The following CDK17 variants were observed in gnomAD, a reference collection of about 807,000 sequenced individuals.
The protein encoded by CDK17 is cyclin-dependent kinase 17.
In CDK17, 24 loss-of-function variants were observed where a neutral mutation model predicts 77.6. That is an observed-to-expected ratio of 0.31 (90% confidence interval 0.22 to 0.44). The LOEUF is 0.44. Among genes scored for constraint, CDK17 ranks in the 20% least tolerant of loss-of-function variants. CDK17 has a pLI of 1.00. For synonymous variants in CDK17, 203 were observed against 210.4 expected, an observed-to-expected ratio of 0.96 and a Z score of 0.30; for missense variants, 429 against 622.5, an observed-to-expected ratio of 0.69 and a Z score of 3.31.
intron 3 of CDK17, among the ~76,000 whole-genome samples, chr12:96,317,111 A>C: frequency 7.0e-6 from 1 of 143,730 alleles, no homozygotes. Context: ...GAAGTGCTTA[A>C]AGGAGCTGAT....
chr12:96,340,020 T>G (rs1158030877), intron 1 of CDK17, among the ~76,000 whole-genome samples: 4 of 151,788 alleles, frequency 2.6e-5, no homozygotes, highest in African/African-American at 9.7e-5. Flanking sequence ...TTTTAAAAAG[T>G]TTTCAAAAAA....
intron 1 of CDK17, among the ~76,000 whole-genome samples, chr12:96,361,341 T>C (rs1953490276): frequency 6.6e-6 from 1 of 152,206 alleles, no homozygotes; most frequent in Non-Finnish European, 1.5e-5. Context: ...AGGAGAAAAG[T>C]CCTTTGTCCC....
At chr12:96,390,619 G>C (rs1028848834) in intron 1 of CDK17, among the ~76,000 whole-genome samples, 5 of 145,342 alleles carry the variant, frequency 3.4e-5, no homozygotes, top group African/African-American at 5.0e-5. Context: ...TGAGGCAGGA[G>C]AATCGCCTGA....
chr12:96,325,856 G>A (rs185584686), intron 2 of CDK17, among the ~76,000 whole-genome samples: 2 of 152,232 alleles, frequency 1.3e-5, no homozygotes, highest in East Asian at 3.9e-4. Context: ...ACAGGCTACA[G>A]CATACAATAA....
chr12:96,381,365 C>G (rs982465159), intron 1 of CDK17, among the ~76,000 whole-genome samples: 1 of 144,244 alleles, frequency 6.9e-6, no homozygotes, highest in East Asian at 2.0e-4. Flanking sequence ...TTTTTTCCTA[C>G]AAAAAAAAAA....
In CDK17 at chr12:96,288,045, G is replaced by T. The variant is rs1378947900; in HGVS notation, c.1118+1122C>A. On this transcript the variant is annotated intron_variant, in intron 11 of 16. Coordinates refer to ENST00000261211, the MANE Select transcript of CDK17 (RefSeq NM_002595.5). Reference sequence around the variant, plus strand: ...TGGGGGAGGGGAATAGGAAGAAATTGTTAAGTGGGTACAGAGTTTTGGTTT... The same window carrying T: ...TGGGGGAGGGGAATAGGAAGAAATTTTTAAGTGGGTACAGAGTTTTGGTTT... Among the ~76,000 whole-genome samples the T allele has an allele frequency of 2.6e-5, 4 of 152,066 alleles. No individual in the cohort carries two copies. The East Asian group carries it at 5.8e-4, about 22-fold the overall frequency.
rs760565579 is a variant in CDK17 at position 96,300,396 on chromosome 12, T to C, written c.544-36A>G. 6.3e-4 allele frequency: 382 copies of C among 609,842 alleles called. 1 individual carries two copies. Among genetic ancestry groups the C allele is most frequent in the Admixed American group, 4.0e-3 (96 of 24,168 alleles). 37.8% of individuals were successfully genotyped at this position (609,842 alleles called of 1,614,324 possible). The stretch of plus-strand genomic sequence containing the variant: ...AACAATGAAAAATGTAGTATTTACT[T>C]TTTTTTTTTTTTTTTGAGACAGCAT... On this transcript the variant is annotated intron_variant, in intron 5 of 16. Transcript: ENST00000261211.
At chr12:96,384,649 C>T (rs2096345755) in intron 1 of CDK17, among the ~76,000 whole-genome samples, 1 of 152,164 alleles carries the variant, frequency 6.6e-6, no homozygotes, top group African/African-American at 2.4e-5. Flanking sequence ...CAGTGAATTA[C>T]TGCAAGAACA....
At chr12:96,387,630 T>C (rs1953996225) in intron 1 of CDK17, among the ~76,000 whole-genome samples, 1 of 152,170 alleles carries the variant, frequency 6.6e-6, no homozygotes, top group South Asian at 2.1e-4. Context: ...TTATAACCAG[T>C]TACTCTATTT....
At chr12:96,355,267 G>A (rs1953375876) in intron 1 of CDK17, among the ~76,000 whole-genome samples, 1 of 151,564 alleles carries the variant, frequency 6.6e-6, no homozygotes, top group Non-Finnish European at 1.5e-5. Flanking sequence ...TTTCCTTTTA[G>A]GTTCTACTCA....
At chr12:96,352,725 A>G (rs909482560) in intron 1 of CDK17, among the ~76,000 whole-genome samples, 1 of 152,224 alleles carries the variant, frequency 6.6e-6, no homozygotes, top group Non-Finnish European at 1.5e-5. Context: ...AATGTCTGAC[A>G]GCAAATAAAA....
At chr12:96,379,323 T>C (rs937420657) in intron 1 of CDK17, among the ~76,000 whole-genome samples, 5 of 152,288 alleles carry the variant, frequency 3.3e-5, no homozygotes, top group African/African-American at 9.6e-5. Context: ...GCTAAAGAAA[T>C]GCAGAACAAT....
chr12:96,339,600 C>T (rs1481622183), intron 1 of CDK17, among the ~76,000 whole-genome samples: 1 of 151,368 alleles, frequency 6.6e-6, no homozygotes, highest in African/African-American at 2.4e-5. Context: ...CATTTATTAT[C>T]CCTCACCAAA....
At chr12:96,352,269 T>G (rs1276825559) in intron 1 of CDK17, among the ~76,000 whole-genome samples, 1 of 151,856 alleles carries the variant, frequency 6.6e-6, no homozygotes, top group Non-Finnish European at 1.5e-5. Flanking sequence ...GCAGAAGAGC[T>G]GAGAGAAACC....
intron 1 of CDK17, among the ~76,000 whole-genome samples, chr12:96,338,995 G>C (rs972933725): frequency 6.6e-6 from 1 of 151,538 alleles, no homozygotes; most frequent in African/African-American, 2.4e-5. Flanking sequence ...GGCAACCAAA[G>C]TCCACTGTGT....
chr12:96,312,794 C>T (rs138226949), intron 4 of CDK17, among the ~76,000 whole-genome samples: 214 of 152,050 alleles, frequency 1.4e-3, no homozygotes, highest in African/African-American at 4.8e-3. Flanking sequence ...TCCTTTTACA[C>T]GGAGAAATAA....
At chr12:96,388,553 G>T (rs1337809625) in intron 1 of CDK17, among the ~76,000 whole-genome samples, 1 of 152,152 alleles carries the variant, frequency 6.6e-6, no homozygotes, top group South Asian at 2.1e-4. Flanking sequence ...TCATTCAATT[G>T]TCCTTGTGAA....
chr12:96,297,128 GCA>G (rs1952418737), intron 9 of CDK17, 140 bp downstream of exon 9: 1 of 534,850 alleles, frequency 1.9e-6, no homozygotes, highest in Admixed American at 3.4e-5. Context: ...GGTAAATATT[GCA>G]CGTTCAGAGG....
intron 2 of CDK17, among the ~76,000 whole-genome samples, chr12:96,327,010 G>A (rs961080935): frequency 1.3e-5 from 2 of 152,208 alleles, no homozygotes; most frequent in East Asian, 3.8e-4. Flanking sequence ...AGGTAAGGGG[G>A]TAGGGAAGAC....
Sources: allele counts gnomAD v4.1 joint callset (sites outside exome capture counted in the v4.1 genomes callset), GRCh38; gene constraint gnomAD v4.1.1; transcripts MANE v1.5; gene names NCBI Gene and HGNC (gene_info 2026-07-23, HGNC 2026-07-21).